Variants in ASCC3 observed in about 807,000 individuals in gnomAD.
ASCC3 encodes ASC-1 complex subunit P200.
A neutral mutation model predicts 256.3 loss-of-function variants in ASCC3; 158 were observed. The ratio of observed to expected loss-of-function variants is 0.62; its 90% CI spans 0.54 to 0.70. ASCC3 has a LOEUF of 0.70. ASCC3 is among the 30% of genes least tolerant of loss of function. ASCC3 has a pLI of 0.00. For synonymous variants in ASCC3, 948 were observed against 883.4 expected (o/e 1.07, Z -1.30); for missense variants, 2,259 against 2,626.0 (o/e 0.86, Z 3.05).
intron 36 of ASCC3, among the ~76,000 whole-genome samples, chr6:100,543,952 C>T (rs544965709): frequency 6.6e-6 from 1 of 151,954 alleles, no homozygotes; most frequent in Non-Finnish European, 1.5e-5. Flanking sequence ...TATTAGAGGG[C>T]CATAAAAACA....
intron 4 of ASCC3, among the ~76,000 whole-genome samples, chr6:100,840,892 A>G (rs1001238944): frequency 3.9e-5 from 6 of 152,108 alleles, no homozygotes; most frequent in African/African-American, 1.2e-4. Flanking sequence ...AACGAGTTGT[A>G]TAAAGAATGG....
chr6:100,836,470 A>G (rs967166722), intron 4 of ASCC3, among the ~76,000 whole-genome samples: 1 of 152,056 alleles, frequency 6.6e-6, no homozygotes, highest in African/African-American at 2.4e-5. Context: ...AATTTTGCCA[A>G]GTGATTTTTC....
chr6:100,848,439 T>A lies in ASCC3; in HGVS notation c.510A>T (p.Ser170=), dbSNP rs369021298. The A allele has an allele frequency of 6.2e-7, 1 of 1,611,522 alleles. No homozygotes were observed. Among genetic ancestry groups the A allele is most frequent in the Non-Finnish European group, 8.5e-7 (1 of 1,178,890 alleles). ...AGTGGTCCAAATCATGCATGTCAAATGAAAATGCTAAATTTTTACCAAAAA... is the reference window on the plus strand; with the variant it reads ...AGTGGTCCAAATCATGCATGTCAAAAGAAAATGCTAAATTTTTACCAAAAA... ...RVFFGKNLAF[S]FDMHDLDHFD... The change falls in exon 4 of 42, where the codon TCA becomes TCT. Residue 170 remains serine, a synonymous_variant. Transcript: ENST00000369162.
At chr6:100,607,259 T>C (rs1453891640) in intron 30 of ASCC3, among the ~76,000 whole-genome samples, 171 bp from the exon 31 acceptor site, 1 of 152,130 alleles carries the variant, frequency 6.6e-6, no homozygotes, top group African/African-American at 2.4e-5. Flanking sequence ...GAATATCTAC[T>C]TGGTGAGAAT....
At chr6:100,826,321 C>T (rs998969210) in intron 4 of ASCC3, among the ~76,000 whole-genome samples, 6 of 152,076 alleles carry the variant, frequency 3.9e-5, no homozygotes, top group Admixed American at 2.0e-4. Context: ...TTAGTAGAGA[C>T]GGGGTTTCAC....
chr6:100,577,769 CAT>C (rs1291314064), intron 36 of ASCC3, among the ~76,000 whole-genome samples: 1 of 151,906 alleles, frequency 6.6e-6, no homozygotes, highest in Non-Finnish European at 1.5e-5. Context: ...CTCTCTCACA[CAT>C]ACACATAGGA....
intron 4 of ASCC3, among the ~76,000 whole-genome samples, chr6:100,833,337 T>C (rs1771712229): frequency 6.6e-6 from 1 of 152,150 alleles, no homozygotes; most frequent in Non-Finnish European, 1.5e-5. Context: ...AAAGGACTTT[T>C]TAGGGTGGTA....
At chr6:100,703,513 C>T (rs769760916) in intron 13 of ASCC3, among the ~76,000 whole-genome samples, 6 of 151,904 alleles carry the variant, frequency 3.9e-5, no homozygotes, top group Non-Finnish European at 8.8e-5. Context: ...ATATTAATGA[C>T]AAGATTACTC....
At chr6:100,580,387 C>G (rs1240840917) in intron 36 of ASCC3, among the ~76,000 whole-genome samples, 1 of 151,870 alleles carries the variant, frequency 6.6e-6, no homozygotes. Context: ...AAGAGATCAT[C>G]ACTTGAAACT....
At position 100,725,707 on chromosome 6, in the gene ASCC3, T is replaced by A. The variant is rs1243933407; in HGVS notation, c.1738-4A>T. 6.2e-7 allele frequency: 1 copy of A among 1,612,168 alleles called. No individual in the cohort carries two copies. The stretch of plus-strand genomic sequence containing the variant: ...TTTCTGGTGTGGTCACAAGCATCTA[T>A]AAGAGAAGACACATTTTAAAAGGGG... On this transcript the variant is annotated splice_polypyrimidine_tract_variant and splice_region_variant and intron_variant, in intron 10 of 41. Transcript: ENST00000369162.
At chr6:100,777,497 C>T (rs999869482) in intron 8 of ASCC3, among the ~76,000 whole-genome samples, 1 of 152,008 alleles carries the variant, frequency 6.6e-6, no homozygotes, top group Non-Finnish European at 1.5e-5. Flanking sequence ...AACATGTTTA[C>T]TAATTTAAAA....
At chr6:100,759,499 C>A (rs534212736) in intron 10 of ASCC3, among the ~76,000 whole-genome samples, 2 of 152,204 alleles carry the variant, frequency 1.3e-5, no homozygotes, top group African/African-American at 4.8e-5. Flanking sequence ...ATAGGAGATC[C>A]TTTCCCTATT....
chr6:100,854,150 G>A (rs1772823635), intron 3 of ASCC3, among the ~76,000 whole-genome samples: 3 of 150,346 alleles, frequency 2.0e-5, no homozygotes, highest in Admixed American at 2.0e-4. Flanking sequence ...GAACAAGCCA[G>A]GTACTTTTTT....
intron 14 of ASCC3, among the ~76,000 whole-genome samples, chr6:100,664,970 T>C (rs758801126): frequency 2.0e-5 from 3 of 152,244 alleles, no homozygotes; most frequent in Non-Finnish European, 4.4e-5. Flanking sequence ...TGAAATGTTC[T>C]GCTGTCCTTC....
intron 7 of ASCC3, 66 bp downstream of exon 7, chr6:100,799,365 A>C (rs1380435724): frequency 3.2e-6 from 5 of 1,570,390 alleles, no homozygotes; most frequent in Non-Finnish European, 4.3e-6. Context: ...GGAACAGGGA[A>C]AATCCACACA....
chr6:100,771,764 T>C (rs1432593588), intron 8 of ASCC3, among the ~76,000 whole-genome samples: 1 of 129,848 alleles, frequency 7.7e-6, no homozygotes, highest in African/African-American at 3.0e-5. Context: ...AATAATTTAA[T>C]TTTTTTAATT....
intron 13 of ASCC3, among the ~76,000 whole-genome samples, chr6:100,699,072 C>T (rs759721383): frequency 2.6e-5 from 4 of 152,170 alleles, no homozygotes; most frequent in Non-Finnish European, 5.9e-5. Context: ...TCATATATAG[C>T]CTAGGTACAT....
chr6:100,648,234 T>A (rs546362283), intron 20 of ASCC3, among the ~76,000 whole-genome samples: 2,282 of 152,224 alleles, frequency 0.015, 53 homozygotes, highest in African/African-American at 0.051. Flanking sequence ...GAATGTAGTC[T>A]TTTTCTTCAC....
intron 32 of ASCC3, 127 bp downstream of exon 32, chr6:100,606,613 A>C: frequency 2.9e-6 from 3 of 1,050,522 alleles, no homozygotes; most frequent in Non-Finnish European, 4.0e-6. Flanking sequence ...ATAATTGCTT[A>C]TCATCTGTTT....
Sources: allele counts gnomAD v4.1 joint callset (sites outside exome capture counted in the v4.1 genomes callset), GRCh38; gene constraint gnomAD v4.1.1; transcripts MANE v1.5; gene names NCBI Gene and HGNC (gene_info 2026-07-23, HGNC 2026-07-21).